Variants in GMDS observed in about 807,000 individuals in gnomAD.
The protein encoded by GMDS is GDP-mannose 4,6-dehydratase, also known as GDP-mannose 4,6 dehydratase.
A neutral mutation model predicts 49.9 loss-of-function variants in GMDS; 20 were observed. The observed-to-expected ratio is 0.40, with a 90% CI of 0.28 to 0.58. The LOEUF is 0.58. Ranked by LOEUF, GMDS falls within the 20% of genes least tolerant of loss-of-function variation. The pLI is 0.42. For missense variants in GMDS, 362 were observed against 481.4 expected, an observed-to-expected ratio of 0.75 and a Z score of 2.32; for synonymous variants, 177 against 178.6, an observed-to-expected ratio of 0.99 and a Z score of 0.07.
chr6:2,149,545 A>G (rs1776743020), intron 1 of GMDS, among the ~76,000 whole-genome samples: 1 of 152,226 alleles, frequency 6.6e-6, no homozygotes, highest in South Asian at 2.1e-4. Context: ...GGCAGCGTGG[A>G]GCAGAGCAGC....
chr6:1,939,273 G>A (rs1762697808), intron 6 of GMDS, among the ~76,000 whole-genome samples: 1 of 151,942 alleles, frequency 6.6e-6, no homozygotes, highest in South Asian at 2.1e-4. Flanking sequence ...GAGAGTTCAT[G>A]TTTAGTAACC....
intron 4 of GMDS, among the ~76,000 whole-genome samples, chr6:2,085,223 C>T (rs1772942736): frequency 6.6e-6 from 1 of 152,088 alleles, no homozygotes; most frequent in African/African-American, 2.4e-5. Flanking sequence ...GGTCCACTCT[C>T]GTGACCTTAT....
At chr6:1,903,970 G>A (rs894567389) in intron 7 of GMDS, among the ~76,000 whole-genome samples, 5 of 152,146 alleles carry the variant, frequency 3.3e-5, no homozygotes, top group African/African-American at 1.2e-4. Flanking sequence ...GACTGGGCAG[G>A]CTCCAGTTCT....
intron 1 of GMDS, among the ~76,000 whole-genome samples, chr6:2,144,750 A>G (rs1230714725): frequency 6.6e-6 from 1 of 152,148 alleles, no homozygotes; most frequent in Non-Finnish European, 1.5e-5. Flanking sequence ...GAAAATAAAA[A>G]CCGTAAATAA....
intron 9 of GMDS, among the ~76,000 whole-genome samples, chr6:1,683,607 G>A (rs985253016): frequency 2.0e-5 from 3 of 152,190 alleles, no homozygotes; most frequent in African/African-American, 7.2e-5. Flanking sequence ...TGGCTTTCAA[G>A]GATGAGGATC....
chr6:1,727,157 A>G (rs1462616324), intron 8 of GMDS, among the ~76,000 whole-genome samples: 1 of 152,154 alleles, frequency 6.6e-6, no homozygotes, highest in African/African-American at 2.4e-5. Flanking sequence ...TTACTTTCCT[A>G]TAACCTCCTC....
At chr6:1,713,409 G>A (rs1766049036) in intron 9 of GMDS, among the ~76,000 whole-genome samples, 1 of 152,220 alleles carries the variant, frequency 6.6e-6, no homozygotes, top group Non-Finnish European at 1.5e-5. Context: ...GGCCCACGCC[G>A]GGATCCAGTG....
At chr6:2,230,729 TA>T (rs933995745) in intron 1 of GMDS, among the ~76,000 whole-genome samples, 18 of 151,560 alleles carry the variant, frequency 1.2e-4, no homozygotes, top group Admixed American at 2.6e-4. Context: ...CCGTTGTCCA[TA>T]AAAAAGCCAA....
chr6:2,203,126 A>AT (rs1779626592), intron 1 of GMDS, among the ~76,000 whole-genome samples: 1 of 152,044 alleles, frequency 6.6e-6, no homozygotes, highest in Non-Finnish European at 1.5e-5. Context: ...ACTTTTCCTC[A>AT]TTTTTGAAGG....
intron 9 of GMDS, among the ~76,000 whole-genome samples, chr6:1,636,059 C>T (rs1244424689): frequency 6.6e-6 from 1 of 152,148 alleles, no homozygotes; most frequent in African/African-American, 2.4e-5. Context: ...CCCAGAATGT[C>T]AGCGGAAATA....
chr6:1,885,833 A>G (rs1281408049), intron 7 of GMDS, among the ~76,000 whole-genome samples: 4 of 152,194 alleles, frequency 2.6e-5, no homozygotes, highest in Non-Finnish European at 5.9e-5. Flanking sequence ...AGCCGCAGGC[A>G]GAGGGGCCAA....
At chr6:1,840,868 T>A (rs1289430367) in intron 7 of GMDS, among the ~76,000 whole-genome samples, 1 of 152,230 alleles carries the variant, frequency 6.6e-6, no homozygotes, top group African/African-American at 2.4e-5. Context: ...AATGCCTCAG[T>A]GGCAGTTTGG....
At chr6:2,189,837 C>A (rs535621277) in intron 1 of GMDS, among the ~76,000 whole-genome samples, 6 of 152,338 alleles carry the variant, frequency 3.9e-5, no homozygotes, top group Non-Finnish European at 7.4e-5. Flanking sequence ...ACTACTACAA[C>A]ACAGAGATCA....
rs397702222 is a variant in GMDS at position 1,743,840 on chromosome 6, C to CAA, written c.772-1256_772-1255dup. ...CTCTTCAAAAAAGGTTGAAGCAAAA[C>CAA]AAAAAAAAATCAATCTCTATTTTTT... On this transcript the variant is annotated intron_variant, in intron 7 of 10. Transcript: ENST00000380815. Among the ~76,000 whole-genome samples, 238 of 150,002 alleles carry CAA rather than the reference C, an allele frequency of 1.6e-3. 2 individuals carry two copies. The highest frequency in any genetic ancestry group is 5.4e-3 in the African/African-American group (220 of 40,910).
chr6:1,832,658 C>T (rs1756716516), intron 7 of GMDS, among the ~76,000 whole-genome samples: 1 of 152,130 alleles, frequency 6.6e-6, no homozygotes, highest in South Asian at 2.1e-4. Context: ...GCCAAAGACT[C>T]CTTGGTCTTA....
intron 7 of GMDS, among the ~76,000 whole-genome samples, chr6:1,867,833 G>A (rs1468658810): frequency 6.6e-6 from 1 of 152,156 alleles, no homozygotes; most frequent in Non-Finnish European, 1.5e-5. Context: ...AACACACATT[G>A]AGGAATACTG....
intron 4 of GMDS, among the ~76,000 whole-genome samples, chr6:2,109,677 G>T (rs1774436676): frequency 6.6e-6 from 1 of 152,184 alleles, no homozygotes; most frequent in Non-Finnish European, 1.5e-5. Flanking sequence ...TGATAACCTT[G>T]CCTGGACCAT....
intron 1 of GMDS, among the ~76,000 whole-genome samples, chr6:2,130,265 C>T (rs1775659778): frequency 6.6e-6 from 1 of 152,084 alleles, no homozygotes; most frequent in African/African-American, 2.4e-5. Flanking sequence ...ATATTTAAAA[C>T]ACAGAAATAA....
Position 1,778,287 on chromosome 6 carries a change from T to C in GMDS, c.772-35701A>G, listed in dbSNP as rs1376548262. On this transcript the variant is annotated intron_variant, in intron 7 of 10. Transcript: ENST00000380815. This position sits in a 1 kb window ranked among gnomAD's most constrained non-coding sequence, Gnocchi z 4.6. ...CACTAGGGCCTCTGTGACCCCTAGG[T>C]CAAAAGAGCAAATGCAAAAGTGACA... Among the ~76,000 whole-genome samples, 3 of 152,176 alleles carry C rather than the reference T, an allele frequency of 2.0e-5. No homozygotes were observed. The highest frequency in any genetic ancestry group is 4.4e-5 in the Non-Finnish European group (3 of 68,038).
Sources: allele counts gnomAD v4.1 joint callset (sites outside exome capture counted in the v4.1 genomes callset), GRCh38; gene constraint gnomAD v4.1.1; non-coding constraint Gnocchi (gnomAD v3.1); transcripts MANE v1.5; gene names NCBI Gene and HGNC (gene_info 2026-07-23, HGNC 2026-07-21).